MED12L: variants seen among roughly 807,000 people sequenced by gnomAD.
The protein encoded by MED12L is mediator of RNA polymerase II transcription subunit 12-like protein.
A neutral mutation model predicts 281.3 loss-of-function variants in MED12L; 60 were observed. The observed-to-expected ratio is 0.21, with a 90% confidence interval of 0.17 to 0.26. The LOEUF is 0.26. Among genes scored for constraint, MED12L ranks in the 10% least tolerant of loss-of-function variants. The pLI is 1.00. For synonymous variants in MED12L, 974 were observed against 987.2 expected, an observed-to-expected ratio of 0.99 and a Z score of 0.25; for missense variants, 2,146 against 2,680.9, an observed-to-expected ratio of 0.80 and a Z score of 4.41.
At chr3:151,168,102 G>T in intron 11 of MED12L, among the ~76,000 whole-genome samples, 1 of 151,918 alleles carries the variant, frequency 6.6e-6, no homozygotes, top group Non-Finnish European at 1.5e-5. Flanking sequence ...AAAAAATAGG[G>T]GTGTTTTTTC....
intron 16 of MED12L, chr3:151,199,256 GTA>G (rs776655100): frequency 1.2e-6 from 2 of 1,613,716 alleles, no homozygotes; most frequent in Admixed American, 3.3e-5. Flanking sequence ...CCTGTGATTC[GTA>G]TTCTTCTGTA....
chr3:151,398,655 A>G (rs1333180095), intron 39 of MED12L, among the ~76,000 whole-genome samples: 1 of 152,214 alleles, frequency 6.6e-6, no homozygotes, highest in Non-Finnish European at 1.5e-5. Flanking sequence ...GACATGCAGA[A>G]AGATGTTTTG....
At chr3:151,394,565 C>T in intron 38 of MED12L, 91 bp from the exon 39 acceptor site, 1 of 1,568,454 alleles carries the variant, frequency 6.4e-7, no homozygotes. Context: ...TAAAGTGAGA[C>T]TTAGAAGGTG....
intron 24 of MED12L, 105 bp downstream of exon 24, chr3:151,367,871 T>C: frequency 7.8e-7 from 1 of 1,288,168 alleles, no homozygotes; most frequent in Non-Finnish European, 1.1e-6. Context: ...GTATGTATAT[T>C]GGGAAGTGGT....
intron 7 of MED12L, among the ~76,000 whole-genome samples, 156 bp downstream of exon 7, chr3:151,158,955 C>T (rs1270555562): frequency 6.6e-6 from 1 of 152,182 alleles, no homozygotes; most frequent in Non-Finnish European, 1.5e-5. Context: ...GTGATAAAGG[C>T]TTCTAATAAG....
chr3:151,188,295 C>A, intron 12 of MED12L, 59 bp from the exon 13 acceptor site: 1 of 1,354,958 alleles, frequency 7.4e-7, no homozygotes, highest in Non-Finnish European at 1.0e-6. Flanking sequence ...TTAACAAATT[C>A]ATGATCTGTT....
intron 16 of MED12L, among the ~76,000 whole-genome samples, chr3:151,272,634 T>C (rs897907712): frequency 4.6e-5 from 7 of 152,208 alleles, no homozygotes; most frequent in Admixed American, 3.9e-4. Flanking sequence ...GTATAAAATA[T>C]TGAGTACACA....
At chr3:151,425,562 T>TTGTTTG (rs1553821086) in intron 43 of MED12L, 40 of 343,598 alleles carry the variant, frequency 1.2e-4, no homozygotes, top group African/African-American at 9.9e-4. Flanking sequence ...ATTTTTGTTT[T>TTGTTTG]TGTTTGTGTG....
chr3:151,225,240 C>G (rs1451850222), intron 16 of MED12L, among the ~76,000 whole-genome samples: 2 of 152,200 alleles, frequency 1.3e-5, no homozygotes, highest in East Asian at 3.8e-4. Context: ...TGGCTACACT[C>G]CCCTTATTTC....
chr3:151,186,067 A>G (rs185285381), intron 12 of MED12L, among the ~76,000 whole-genome samples: 2 of 152,324 alleles, frequency 1.3e-5, no homozygotes, highest in East Asian at 1.9e-4. Flanking sequence ...TTATGATATT[A>G]TAAATACCAA....
rs199873603 is a variant in MED12L at position 151,384,128 on chromosome 3, T to C, written c.4836T>C (p.Asn1612=). The C allele has an allele frequency of 2.6e-4, 415 of 1,614,080 alleles. No individual in the cohort carries two copies. Among genetic ancestry groups the C allele is most frequent in the Admixed American group, 2.1e-3 (126 of 60,018 alleles). Residue 1612 remains asparagine (N), a synonymous_variant, in exon 35 of 45, where the codon AAT becomes AAC. Transcript: ENST00000687756. ...TTGACATGCTGGGTGTTTTAATCAA[T>C]GGAACGTTAGCCTCTGACCTATCAA... ...TVLDMLGVLI[N]GTLASDLSNA... is the part of the protein sequence containing the mutation.
At position 151,355,973 on chromosome 3, in the gene MED12L, T is replaced by A; in HGVS notation, c.2595T>A (p.Ile865=). The A allele has an allele frequency of 6.2e-7, 1 of 1,614,130 alleles. No individual in the cohort carries two copies. The highest frequency in any genetic ancestry group is 2.2e-5 in the East Asian group (1 of 44,878). Residue 865 remains isoleucine, a synonymous_variant, in exon 19 of 45, where the codon ATT becomes ATA. Transcript: ENST00000687756. ...ATCATCTCCCTTTGGCTCACCACATTCAGCTCATCTTTGATCTCATGGAGC... is the reference window on the plus strand; with the variant it reads ...ATCATCTCCCTTTGGCTCACCACATACAGCTCATCTTTGATCTCATGGAGC... ...TSYHLPLAHH[I]QLIFDLMEPA...
chr3:151,373,420 C>G, intron 27 of MED12L, among the ~76,000 whole-genome samples: 1 of 152,096 alleles, frequency 6.6e-6, no homozygotes, highest in South Asian at 2.1e-4. Context: ...CTAATTTTCC[C>G]CTTGCAGTAA....
At chr3:151,185,256 T>C (rs1723121977) in intron 11 of MED12L, 74 bp from the exon 12 acceptor site, 11 of 1,490,938 alleles carry the variant, frequency 7.4e-6, no homozygotes, top group Non-Finnish European at 1.0e-5. Context: ...AGATATTCCC[T>C]TGCTTGCTTC....
chr3:151,231,939 TTG>T (rs2149329507), intron 16 of MED12L, among the ~76,000 whole-genome samples: 1 of 152,346 alleles, frequency 6.6e-6, no homozygotes, highest in African/African-American at 2.4e-5. Flanking sequence ...TTGTATAAAC[TTG>T]TGTATTCATG....
intron 36 of MED12L, among the ~76,000 whole-genome samples, chr3:151,387,069 C>T (rs1329919696): frequency 6.6e-6 from 1 of 152,188 alleles, no homozygotes; most frequent in Non-Finnish European, 1.5e-5. Context: ...ACAACAGTAA[C>T]ACTTACATCT....
chr3:151,401,043 C>T (rs987665482), intron 39 of MED12L, among the ~76,000 whole-genome samples: 1 of 152,042 alleles, frequency 6.6e-6, no homozygotes, highest in Non-Finnish European at 1.5e-5. Flanking sequence ...CTAATCTATA[C>T]GTTTGCATCC....
chr3:151,092,224 A>C (rs761991015), intron 2 of MED12L, among the ~76,000 whole-genome samples: 18 of 150,978 alleles, frequency 1.2e-4, no homozygotes, highest in Non-Finnish European at 2.4e-4. Context: ...TAGCTCGGAA[A>C]CTCCCCCACA....
intron 16 of MED12L, among the ~76,000 whole-genome samples, chr3:151,216,744 G>A (rs1443884992): frequency 5.3e-5 from 8 of 152,162 alleles, no homozygotes; most frequent in East Asian, 3.9e-4. Flanking sequence ...GTCTTCTATC[G>A]CCTTTCTCCT....
Sources: allele counts gnomAD v4.1 joint callset (sites outside exome capture counted in the v4.1 genomes callset), GRCh38; gene constraint gnomAD v4.1.1; transcripts MANE v1.5; gene names NCBI Gene and HGNC (gene_info 2026-07-23, HGNC 2026-07-21).